Variants in ITSN2 observed in about 807,000 individuals in gnomAD.
ITSN2 encodes the protein intersectin-2.
In ITSN2, 156 loss-of-function variants were observed where a neutral mutation model predicts 243.7. The ratio of observed to expected loss-of-function variants is 0.64; its 90% confidence interval spans 0.56 to 0.73. ITSN2 has a LOEUF of 0.73. Ranked by LOEUF, ITSN2 falls within the 30% of genes least tolerant of loss-of-function variation. The pLI, the probability that ITSN2 is intolerant of heterozygous loss-of-function variation, is 0.00. For synonymous variants in ITSN2, 703 were observed against 699.9 expected (o/e 1.00, Z -0.07); for missense variants, 1,801 against 1,996.1 (o/e 0.90, Z 1.86).
chr2:24,263,785 A>G lies in ITSN2; in HGVS notation c.2356-2043T>C, dbSNP rs187614429. ...ATATTATATCATATGAATATACCAC[A>G]ATTTGTTTATCCTTTCAAATGTTGG... On this transcript the variant is annotated intron_variant, in intron 20 of 39. Coordinates refer to ENST00000355123, the MANE Select transcript of ITSN2 (RefSeq NM_006277.3). 2.1e-3 allele frequency among the ~76,000 whole-genome samples: 314 copies of G among 152,234 alleles called. 2 individuals carry two copies. The highest frequency in any genetic ancestry group is 3.4e-3 in the Middle Eastern group (1 of 294).
intron 18 of ITSN2, among the ~76,000 whole-genome samples, chr2:24,273,968 G>A (rs1211702194): frequency 3.3e-5 from 5 of 152,154 alleles, no homozygotes; most frequent in Admixed American, 3.3e-4. Flanking sequence ...ATGCACTTCC[G>A]CTCTCTTTGA....
rs545114313 is a variant in ITSN2, at chr2:24,358,348, G to A, written c.-34+1956C>T. Among the ~76,000 whole-genome samples the A allele has an allele frequency of 2.0e-4, 31 of 152,334 alleles. No individual in the cohort carries two copies. In the South Asian group the frequency reaches 6.4e-3, roughly 32 times the overall value. On this transcript the variant is annotated intron_variant, in intron 1 of 39. Coordinates refer to ENST00000355123, the MANE Select transcript of ITSN2 (RefSeq NM_006277.3). Reference sequence around the variant, plus strand: ...GAGACCTAAAGTAGTCAAACTTCAGGTTAACATTTCACTTACCTTTTTGAT... The same window carrying A: ...GAGACCTAAAGTAGTCAAACTTCAGATTAACATTTCACTTACCTTTTTGAT...
At chr2:24,230,053 C>G (rs975493016) in intron 29 of ITSN2, among the ~76,000 whole-genome samples, 5 of 152,220 alleles carry the variant, frequency 3.3e-5, no homozygotes, top group Admixed American at 6.5e-5. Context: ...AATTTACACT[C>G]CAGCCTGAAC....
intron 29 of ITSN2, among the ~76,000 whole-genome samples, chr2:24,222,673 T>C (rs796937682): frequency 3.2e-4 from 42 of 131,562 alleles, no homozygotes; most frequent in East Asian, 1.3e-3. Flanking sequence ...CTTTTCTTTT[T>C]TTTTTTTTTT....
chr2:24,282,219 G>A (rs1307599311), intron 17 of ITSN2, among the ~76,000 whole-genome samples: 2 of 152,204 alleles, frequency 1.3e-5, no homozygotes, highest in African/African-American at 2.4e-5. Flanking sequence ...CACATCGGCA[G>A]AAGACGACAC....
At chr2:24,222,081 T>C (rs1670507345) in intron 29 of ITSN2, among the ~76,000 whole-genome samples, 1 of 151,838 alleles carries the variant, frequency 6.6e-6, no homozygotes, top group Non-Finnish European at 1.5e-5. Context: ...TGAAACCCCG[T>C]CTCTACTAAA....
intron 15 of ITSN2, among the ~76,000 whole-genome samples, chr2:24,291,004 AG>A (rs1680174449): frequency 6.6e-6 from 1 of 152,226 alleles, no homozygotes; most frequent in Non-Finnish European, 1.5e-5. Context: ...TTTCATTTTA[AG>A]AAACCCAAAA....
At position 24,308,509 on chromosome 2, in the gene ITSN2, G is replaced by C. The variant is rs574119653; in HGVS notation, c.793+108C>G. ...CAAATGCCTGCTAAATTTTTTGGAT[G>C]TTAAAATGTCAGATGAGCTACACAA... On this transcript the variant is annotated intron_variant, in intron 8 of 39. Transcript: ENST00000355123. 5.9e-5 allele frequency: 40 copies of C among 683,304 alleles called. No homozygotes were observed. The African/African-American group carries it at 7.2e-4, about 12-fold the overall frequency. The allele number at this position is 683,304 out of a possible 1,614,324, so 42.3% of individuals were successfully genotyped here.
At chr2:24,212,167 A>G (rs1669549977) in intron 33 of ITSN2, among the ~76,000 whole-genome samples, 1 of 152,240 alleles carries the variant, frequency 6.6e-6, no homozygotes, top group Non-Finnish European at 1.5e-5. Context: ...GAAGCCGAAT[A>G]CAGCGAGGGA....
chr2:24,350,998 CA>C (rs1687973117), intron 1 of ITSN2, among the ~76,000 whole-genome samples: 1 of 152,150 alleles, frequency 6.6e-6, no homozygotes, highest in Admixed American at 6.5e-5. Flanking sequence ...GTGAATTTTA[CA>C]ATATGTATCT....
intron 1 of ITSN2, among the ~76,000 whole-genome samples, chr2:24,354,100 A>G (rs1186310580): frequency 6.6e-6 from 1 of 152,096 alleles, no homozygotes; most frequent in Non-Finnish European, 1.5e-5. Flanking sequence ...AATATTTACT[A>G]AGTGCCAAGC....
At chr2:24,319,793 C>T (rs747187508) in intron 2 of ITSN2, among the ~76,000 whole-genome samples, 10 of 152,164 alleles carry the variant, frequency 6.6e-5, no homozygotes, top group Non-Finnish European at 2.9e-5. Flanking sequence ...ATTTTCTTTC[C>T]AAGCATAACC....
chr2:24,360,736 G>C (rs1355445085), upstream of ITSN2: 1 of 152,844 alleles, frequency 6.5e-6, no homozygotes, highest in Non-Finnish European at 1.5e-5. Context: ...CCCTCGGGGA[G>C]GCCCCGAAGC....
At chr2:24,254,495 A>G in intron 23 of ITSN2, 64 bp from the exon 24 acceptor site, 3 of 1,329,254 alleles carry the variant, frequency 2.3e-6, no homozygotes, top group Non-Finnish European at 3.2e-6. Context: ...AAGAAAGGTG[A>G]TTTGATGCAC....
At chr2:24,222,983 ATTC>A (rs1670630436) in intron 29 of ITSN2, among the ~76,000 whole-genome samples, 1 of 152,072 alleles carries the variant, frequency 6.6e-6, no homozygotes, top group Admixed American at 6.5e-5. Flanking sequence ...TGCAATAACT[ATTC>A]TTAAATAAAT....
intron 29 of ITSN2, chr2:24,239,035 A>G (rs1188998195): frequency 2.0e-5 from 3 of 152,516 alleles, no homozygotes; most frequent in African/African-American, 7.2e-5. Flanking sequence ...GCATTTGCAC[A>G]ATCTCAATAC....
rs555682609 is a variant in ITSN2, at chr2:24,212,526, G to T, written c.4089+124C>A. On this transcript the variant is annotated intron_variant, in intron 33 of 39. Coordinates refer to ENST00000355123, the MANE Select transcript of ITSN2 (RefSeq NM_006277.3). ...GGTCCCCGGGACAGTGGGATCACTT[G>T]TGCGGTGTCACACTGTGTGCAGGGT... 11 of 676,028 alleles carry T rather than the reference G, an allele frequency of 1.6e-5. No individual in the cohort carries two copies. The South Asian group carries it at 2.1e-4, about 13-fold the overall frequency. 41.9% of individuals were successfully genotyped at this position (676,028 alleles called of 1,614,324 possible). A position where few individuals can be genotyped will look rare whatever the true frequency, so the allele number is the denominator to read the frequency against.
intron 17 of ITSN2, among the ~76,000 whole-genome samples, chr2:24,278,346 T>C (rs1044259122): frequency 2.6e-5 from 4 of 152,222 alleles, no homozygotes; most frequent in Admixed American, 6.5e-5. Context: ...TTGACAAGAC[T>C]GTCTTTCATC....
chr2:24,212,715 G>T lies in ITSN2; in HGVS notation c.4024C>A (p.Pro1342Thr). The change falls in exon 33 of 40, where the codon CCC (proline) becomes ACC (threonine). Residue 1342 changes from proline (P) to threonine (T), a missense_variant. Coordinates refer to ENST00000355123, the MANE Select transcript of ITSN2 (RefSeq NM_006277.3). ...GGTTTCAGCAGGAAGCTGGAGAGGG[G>T]CATTCCTTTACACCGCGGGTCAGAT... ...LASDPRCKGM[P>T]LSSFLLKPMQ... 6.2e-7 allele frequency: 1 copy of T among 1,614,040 alleles called. No individual in the cohort carries two copies. Among genetic ancestry groups the T allele is most frequent in the Non-Finnish European group, 8.5e-7 (1 of 1,179,978 alleles).
Sources: gnomAD v4.1 joint callset for allele counts (sites outside exome capture counted in the v4.1 genomes callset) on GRCh38, gnomAD v4.1.1 for gene constraint, MANE v1.5 for transcripts, NCBI Gene and HGNC (gene_info 2026-07-23, HGNC 2026-07-21) for gene names.